The following STIL variants were observed in gnomAD, a reference collection of about 807,000 sequenced individuals.
The protein encoded by STIL is SCL-interrupting locus protein.
STIL carries 55 observed loss-of-function variants against 110.1 expected under a neutral mutation model. The observed-to-expected ratio is 0.50, with a 90% CI of 0.40 to 0.63. STIL has a LOEUF of 0.63. Ranked by LOEUF, STIL falls within the 20% of genes least tolerant of loss-of-function variation. The pLI, the probability that STIL is intolerant of heterozygous loss-of-function variation, is 0.00. For missense variants in STIL, 1,358 were observed against 1,530.0 expected (o/e 0.89, Z 1.87); for synonymous variants, 481 against 530.0 (o/e 0.91, Z 1.27).
intron 4 of STIL, 104 bp from the exon 5 acceptor site, chr1:47,301,852 T>C: frequency 9.8e-7 from 1 of 1,019,740 alleles, no homozygotes; most frequent in South Asian, 1.4e-5. Flanking sequence ...ATACCAATAG[T>C]ACACTAAACT....
chr1:47,260,742 G>A (rs1403724260), intron 15 of STIL, among the ~76,000 whole-genome samples: 7 of 152,066 alleles, frequency 4.6e-5, no homozygotes, highest in Non-Finnish European at 8.8e-5. Flanking sequence ...GGTGGCACAC[G>A]CCTGTAGTTC....
intron 8 of STIL, among the ~76,000 whole-genome samples, chr1:47,290,836 A>G (rs1645464707): frequency 1.3e-5 from 2 of 152,230 alleles, no homozygotes; most frequent in African/African-American, 2.4e-5. Flanking sequence ...GCAGAGGTCA[A>G]AAGTTTAACA....
intron 1 of STIL, among the ~76,000 whole-genome samples, chr1:47,313,437 C>A (rs1159909553): frequency 6.6e-6 from 1 of 152,106 alleles, no homozygotes; most frequent in Non-Finnish European, 1.5e-5. Flanking sequence ...TTAACCCCCC[C>A]ATCCACTCAT....
chr1:47,287,598 T>G lies in STIL; in HGVS notation c.1086A>C (p.Ala362=), dbSNP rs1207141768. 6.2e-7 allele frequency: 1 copy of G among 1,612,768 alleles called. No homozygotes were observed. The highest frequency in any genetic ancestry group is 1.1e-5 in the South Asian group (1 of 90,784). Residue 362 remains alanine, a synonymous_variant, in exon 10 of 17, where the codon GCA becomes GCC. Coordinates refer to ENST00000371877, the MANE Select transcript of STIL (RefSeq NM_001048166.1). ...AAGCCTTACTGAAAAACTCTGTTTC[T>G]GCATTTTGGCTTTCAGCGCTCAGTT... ...RCELSAESQN[A]ETEFFSKASK...
Position 47,256,979 on chromosome 1 carries a change from A to G in STIL, c.3080+3310T>C, listed in dbSNP as rs200277069. On this transcript the variant is annotated intron_variant, in intron 16 of 16. Coordinates refer to ENST00000371877, the MANE Select transcript of STIL (RefSeq NM_001048166.1). ...CCACTGCACTCCAGCCTGGGCAATA[A>G]GAGTACAAAACATCAATACACTCTG... is the stretch of plus-strand genomic sequence containing the variant. Among the ~76,000 whole-genome samples, 3 of 151,864 alleles carry G rather than the reference A, an allele frequency of 2.0e-5. No homozygotes were observed. In the East Asian group the frequency reaches 5.9e-4, roughly 30 times the overall value.
At chr1:47,293,768 A>G (rs1170701341) in intron 7 of STIL, among the ~76,000 whole-genome samples, 2 of 152,146 alleles carry the variant, frequency 1.3e-5, no homozygotes, top group African/African-American at 4.8e-5. Context: ...ATATAGATAT[A>G]TATCGAGAGA....
chr1:47,295,528 C>T (rs1044001698), intron 7 of STIL, among the ~76,000 whole-genome samples: 3 of 151,588 alleles, frequency 2.0e-5, no homozygotes. Context: ...TGCAGTGAGC[C>T]GAGATCTCTC....
intron 8 of STIL, 58 bp downstream of exon 8, chr1:47,293,400 A>C (rs1368147696): frequency 1.4e-6 from 2 of 1,420,626 alleles, no homozygotes; most frequent in African/African-American, 2.8e-5. Context: ...ATGGGACCAT[A>C]AACTATGAAT....
rs368951858 is a variant in STIL, at chr1:47,295,157, G to A, written c.785+608C>T. ...AGGCTGGCCTTGAACTCCTGACCTCGAACTCCTGACCTCAGGTGATCCGCC... is the reference window on the plus strand; with the variant it reads ...AGGCTGGCCTTGAACTCCTGACCTCAAACTCCTGACCTCAGGTGATCCGCC... On this transcript the variant is annotated intron_variant, in intron 7 of 16. Coordinates refer to ENST00000371877, the MANE Select transcript of STIL (RefSeq NM_001048166.1). Among the ~76,000 whole-genome samples the A allele has an allele frequency of 8.6e-5, 13 of 151,964 alleles. No homozygotes were observed. The East Asian group carries it at 1.6e-3, about 18-fold the overall frequency.
At chr1:47,262,876 A>C in intron 15 of STIL, 27 bp downstream of exon 15, 1 of 1,607,958 alleles carries the variant, frequency 6.2e-7, no homozygotes, top group Non-Finnish European at 8.5e-7. Context: ...CCTTCTCAAA[A>C]AGATGAAATG....
At chr1:47,262,690 CTG>C (rs1253374101) in intron 15 of STIL, among the ~76,000 whole-genome samples, 1 of 151,972 alleles carries the variant, frequency 6.6e-6, no homozygotes, top group East Asian at 1.9e-4. Flanking sequence ...AAAAATAAAG[CTG>C]TGTTTTTCTA....
rs1644879780 is a variant in STIL at position 47,272,781 on chromosome 1, T to C, written c.2218-540A>G. On this transcript the variant is annotated intron_variant, in intron 12 of 16. Transcript: ENST00000371877. ...GTAAGTTGATACTCATGTAAAAAAG[T>C]GTGAATGGTTAATACTTCAAACTAA... Among the ~76,000 whole-genome samples the C allele has an allele frequency of 2.0e-5, 3 of 152,210 alleles. No homozygotes were observed. The South Asian group carries it at 6.2e-4, about 32-fold the overall frequency.
intron 10 of STIL, among the ~76,000 whole-genome samples, chr1:47,285,548 C>G (rs1645272642): frequency 6.6e-6 from 1 of 152,172 alleles, no homozygotes; most frequent in East Asian, 1.9e-4. Flanking sequence ...ACCTGTGCCT[C>G]TTGGGTTCAA....
intron 14 of STIL, among the ~76,000 whole-genome samples, chr1:47,263,754 T>TTG (rs1337615800): frequency 7.2e-6 from 1 of 138,820 alleles, no homozygotes; most frequent in African/African-American, 2.7e-5. Flanking sequence ...GTTTTTTTTT[T>TTG]TTTTTTTTTT....
chr1:47,311,844 C>A (rs1184767414), intron 1 of STIL, among the ~76,000 whole-genome samples: 1 of 151,596 alleles, frequency 6.6e-6, no homozygotes, highest in Non-Finnish European at 1.5e-5. Context: ...GTGAGGAGTT[C>A]GAGACCAGCC....
chr1:47,311,609 T>G (rs1646128925), intron 1 of STIL, among the ~76,000 whole-genome samples: 1 of 152,194 alleles, frequency 6.6e-6, no homozygotes, highest in African/African-American at 2.4e-5. Flanking sequence ...TATTTCTAAC[T>G]GCCCACTGGA....
chr1:47,307,103 A>T (rs1645981504), intron 2 of STIL, among the ~76,000 whole-genome samples: 1 of 152,228 alleles, frequency 6.6e-6, no homozygotes, highest in Non-Finnish European at 1.5e-5. Flanking sequence ...GTGAGCCAAG[A>T]TCACGCCACC....
At chr1:47,289,073 A>C (rs11211506) in intron 9 of STIL, among the ~76,000 whole-genome samples, 25,153 of 146,772 alleles carry the variant, frequency 0.17, 3,320 homozygotes, top group East Asian at 0.51. Flanking sequence ...AAAAAAAAAA[A>C]AAAAAAAAAA....
At chr1:47,280,124 C>T (rs943814778) in intron 12 of STIL, 117 bp downstream of exon 12, 8 of 1,374,700 alleles carry the variant, frequency 5.8e-6, no homozygotes, top group Non-Finnish European at 7.1e-6. Flanking sequence ...TTTCCAAGGT[C>T]CCTCCTAATT....
Sources: gnomAD v4.1 joint callset for allele counts (sites outside exome capture counted in the v4.1 genomes callset) on GRCh38, gnomAD v4.1.1 for gene constraint, MANE v1.5 for transcripts, NCBI Gene and HGNC (gene_info 2026-07-23, HGNC 2026-07-21) for gene names.